Variants in GINS1 observed in about 807,000 individuals in gnomAD.
GINS1 encodes GINS complex subunit 1, also known as DNA replication complex GINS protein PSF1.
Under a neutral mutation model 34.9 loss-of-function variants are expected in GINS1, and 26 were observed. The observed-to-expected ratio is 0.74, with a 90% CI of 0.55 to 1.03. GINS1 has a LOEUF of 1.03. Among genes scored for constraint, GINS1 ranks in the 50% least tolerant of loss-of-function variants. The pLI is 0.00. For missense variants in GINS1, 235 were observed against 237.9 expected, an observed-to-expected ratio of 0.99 and a Z score of 0.08; for synonymous variants, 97 against 84.4, an observed-to-expected ratio of 1.15 and a Z score of -0.82.
intron 4 of GINS1, among the ~76,000 whole-genome samples, chr20:25,420,376 C>T (rs1381916196): frequency 6.6e-6 from 1 of 151,966 alleles, no homozygotes; most frequent in East Asian, 1.9e-4. Flanking sequence ...TGATGATCTG[C>T]CCACCTCAGC....
At chr20:25,439,021 G>A (rs1000956708) in intron 5 of GINS1, among the ~76,000 whole-genome samples, 2 of 152,190 alleles carry the variant, frequency 1.3e-5, no homozygotes, top group Admixed American at 6.5e-5. Context: ...TAGCCCAATA[G>A]TTTACAAAGG....
chr20:25,423,460 T>C (rs1280885400), intron 4 of GINS1, among the ~76,000 whole-genome samples: 89 of 43,408 alleles, frequency 2.1e-3, no homozygotes, highest in Admixed American at 3.2e-3. Flanking sequence ...TTCTTTTTTT[T>C]TTTTTTTTTT....
At chr20:25,441,628 A>T in intron 5 of GINS1, 74 bp from the exon 6 acceptor site, 1 of 736,246 alleles carries the variant, frequency 1.4e-6, no homozygotes, top group Non-Finnish European at 2.4e-6. Flanking sequence ...GTATTTGTAT[A>T]ATGCTGATTT....
chr20:25,409,237 A>G (rs370532943), intron 1 of GINS1, among the ~76,000 whole-genome samples: 1 of 152,212 alleles, frequency 6.6e-6, no homozygotes, highest in African/African-American at 2.4e-5. Context: ...AGGATTTTAG[A>G]CAAGGAAGTG....
chr20:25,423,861 G>A (rs994231136), intron 4 of GINS1, among the ~76,000 whole-genome samples: 9 of 151,012 alleles, frequency 6.0e-5, no homozygotes, highest in African/African-American at 1.2e-4. Context: ...TGATCCACCC[G>A]CCTCGGCCTC....
At chr20:25,413,181 A>G (rs1232570967) in intron 1 of GINS1, among the ~76,000 whole-genome samples, 2 of 151,600 alleles carry the variant, frequency 1.3e-5, no homozygotes, top group African/African-American at 2.4e-5. Flanking sequence ...CCTCCTGAAT[A>G]GCTGGGATTA....
intron 4 of GINS1, among the ~76,000 whole-genome samples, chr20:25,423,200 G>A (rs1217115256): frequency 3.4e-5 from 5 of 148,962 alleles, no homozygotes; most frequent in East Asian, 2.1e-4. Flanking sequence ...TGCAACCTCC[G>A]CCTCCCTGGT....
At chr20:25,430,470 T>C (rs137912604) in intron 5 of GINS1, among the ~76,000 whole-genome samples, 3,444 of 152,318 alleles carry the variant, frequency 0.023, 57 homozygotes, top group Non-Finnish European at 0.035. Context: ...TCAATTGATT[T>C]ATGATGAACT....
At chr20:25,428,890 A>AACT (rs1316627724) in intron 5 of GINS1, among the ~76,000 whole-genome samples, 1 of 151,650 alleles carries the variant, frequency 6.6e-6, no homozygotes, top group East Asian at 1.9e-4. Context: ...TTTATGCCAG[A>AACT]ACTGTAGTAT....
rs77113924 is a variant in GINS1, at chr20:25,428,969, C to CT, written c.447+3679dup. 2.8e-3 allele frequency among the ~76,000 whole-genome samples: 356 copies of CT among 127,438 alleles called. 21 individuals carry two copies. Among genetic ancestry groups the CT allele is most frequent in the East Asian group, 5.0e-3 (12 of 2,408 alleles). The allele number at this position is 127,438 out of a possible 152,430, so 83.6% of individuals were successfully genotyped here. ...GGGTCCTCCACCTTCATTCCTCTCT[C>CT]TTTTTTTTTTTTTTTTTTTTTTTTT... On this transcript the variant is annotated intron_variant, in intron 5 of 6. Transcript: ENST00000262460.
At chr20:25,433,337 CTT>C (rs1299976031) in intron 5 of GINS1, among the ~76,000 whole-genome samples, 1 of 151,758 alleles carries the variant, frequency 6.6e-6, no homozygotes, top group African/African-American at 2.4e-5. Context: ...ATTTAGATTT[CTT>C]TCTCATTTCC....
At chr20:25,434,017 C>G (rs1345829032) in intron 5 of GINS1, among the ~76,000 whole-genome samples, 2 of 151,886 alleles carry the variant, frequency 1.3e-5, no homozygotes, top group Non-Finnish European at 2.9e-5. Context: ...GGTGGTGGCT[C>G]TTATGCCTGT....
At chr20:25,408,158 T>C (rs982669118) in intron 1 of GINS1, among the ~76,000 whole-genome samples, 5 of 152,252 alleles carry the variant, frequency 3.3e-5, no homozygotes, top group African/African-American at 1.2e-4. Flanking sequence ...CCTTAAAATA[T>C]TTACAGGTTG....
chr20:25,411,707 C>T (rs1218003584), intron 1 of GINS1, among the ~76,000 whole-genome samples: 1 of 151,848 alleles, frequency 6.6e-6, no homozygotes, highest in East Asian at 1.9e-4. Context: ...CTTTGGGAGG[C>T]TGAGGTGGGT....
chr20:25,445,992 C>A lies in GINS1; in HGVS notation c.*1C>A. 1.3e-6 allele frequency: 2 copies of A among 1,594,072 alleles called. No individual in the cohort carries two copies. The highest frequency in any genetic ancestry group is 1.7e-6 in the Non-Finnish European group (2 of 1,163,058). On this transcript the variant is annotated 3_prime_UTR_variant, in exon 7 of 7. Transcript: ENST00000262460. Reference sequence around the variant, plus strand: ...AGTCCTGGAGCACATCCTGTCATGACCATGCGCCGAGGCACTTCCAGGCTT... The same window carrying A: ...AGTCCTGGAGCACATCCTGTCATGAACATGCGCCGAGGCACTTCCAGGCTT...
chr20:25,411,493 A>T (rs908303203), intron 1 of GINS1, among the ~76,000 whole-genome samples: 1 of 152,172 alleles, frequency 6.6e-6, no homozygotes, highest in African/African-American at 2.4e-5. Context: ...TGGCAGACCT[A>T]TTGGGTAACA....
intron 5 of GINS1, among the ~76,000 whole-genome samples, chr20:25,431,298 T>A (rs745582141): frequency 5.3e-5 from 8 of 152,160 alleles, no homozygotes; most frequent in Admixed American, 1.3e-4. Flanking sequence ...CTTCTTTTAT[T>A]CTTAGTCTGT....
intron 4 of GINS1, among the ~76,000 whole-genome samples, chr20:25,424,148 T>C (rs2090376737): frequency 2.0e-5 from 3 of 152,306 alleles, no homozygotes; most frequent in Non-Finnish European, 2.9e-5. Context: ...GGGAGGACTT[T>C]TTCTTCTGTT....
rs1464787249 is a variant in GINS1, at chr20:25,421,069, T to C, written c.330+2874T>C. 3 of 524,408 alleles carry C rather than the reference T, an allele frequency of 5.7e-6. No homozygotes were observed. The East Asian group carries it at 4.5e-4, about 78-fold the overall frequency. 32.5% of individuals were successfully genotyped at this position (524,408 alleles called of 1,614,324 possible). ...GTATTACCCAAGGATAGTGCTTCAA[T>C]GGGTGACTGAAGCACATGGGCTTGA... is the stretch of plus-strand genomic sequence containing the variant. On this transcript the variant is annotated intron_variant, in intron 4 of 6. Coordinates refer to ENST00000262460, the MANE Select transcript of GINS1 (RefSeq NM_021067.5).
Sources: gnomAD v4.1 joint callset for allele counts (sites outside exome capture counted in the v4.1 genomes callset) on GRCh38, gnomAD v4.1.1 for gene constraint, MANE v1.5 for transcripts, NCBI Gene and HGNC (gene_info 2026-07-23, HGNC 2026-07-21) for gene names.